RASGRP4: variants seen among roughly 807,000 people sequenced by gnomAD.
RASGRP4 encodes RAS guanyl releasing protein 4, also known as RAS guanyl-releasing protein 4.
A neutral mutation model predicts 84.4 loss-of-function variants in RASGRP4; 52 were observed. The ratio of observed to expected loss-of-function variants is 0.62; its 90% CI spans 0.49 to 0.78. RASGRP4 has a LOEUF of 0.78. Among genes scored for constraint, RASGRP4 ranks in the 30% least tolerant of loss-of-function variants. The probability of loss-of-function intolerance (pLI) is 0.00; values close to 1 mark genes in which losing one functional copy is unlikely to be tolerated. For synonymous variants in RASGRP4, 356 were observed against 359.1 expected (o/e 0.99, Z 0.10); for missense variants, 760 against 886.9 (o/e 0.86, Z 1.82).
At chr19:38,425,511 A>C (rs559323637) in intron 1 of RASGRP4, among the ~76,000 whole-genome samples, 1 of 152,086 alleles carries the variant, frequency 6.6e-6, no homozygotes, top group East Asian at 1.9e-4. Context: ...TGGCAGGAGG[A>C]GTTACCCAGG....
In RASGRP4 at chr19:38,422,064, T is replaced by A. The variant is rs749417200; in HGVS notation, c.113A>T (p.Glu38Val). The change falls in exon 2 of 17, where the codon GAA becomes GTA. Residue 38 changes from glutamate to valine, a missense_variant. Coordinates refer to ENST00000615439, the MANE Select transcript of RASGRP4 (RefSeq NM_170604.3). ...RRHKTCPSPREISKVMASMNL... is the reference protein window; with the variant it reads ...RRHKTCPSPRVISKVMASMNL... ...CATGGAAGCCATGACCTTGCTGATT[T>A]CCCGAGGGCTGGGGCATGTCTTGTG... 6.2e-7 allele frequency: 1 copy of A among 1,613,712 alleles called. No homozygotes were observed. The highest frequency in any genetic ancestry group is 8.5e-7 in the Non-Finnish European group (1 of 1,179,856).
intron 1 of RASGRP4, among the ~76,000 whole-genome samples, chr19:38,425,510 G>A (rs540705306): frequency 6.6e-6 from 1 of 152,298 alleles, no homozygotes; most frequent in Admixed American, 6.5e-5. Flanking sequence ...GTGGCAGGAG[G>A]AGTTACCCAG....
chr19:38,413,091 A>C lies in RASGRP4; in HGVS notation c.1417-42T>G. 6.3e-7 allele frequency: 1 copy of C among 1,586,076 alleles called. No homozygotes were observed. The highest frequency in any genetic ancestry group is 2.2e-5 in the East Asian group (1 of 44,758). On this transcript the variant is annotated intron_variant, in intron 11 of 16. Coordinates refer to ENST00000615439, the MANE Select transcript of RASGRP4 (RefSeq NM_170604.3). This position sits in a 1 kb window ranked among gnomAD's most constrained non-coding sequence, Gnocchi z 4.7. ...GGAAGCAGATAAGGCCCAGTTGTCG[A>C]AATATGATCCCCATGGCCATAAGTC... is the stretch of plus-strand genomic sequence containing the variant.
In RASGRP4 at chr19:38,412,617, C is replaced by T. The variant is rs1676624583; in HGVS notation, c.1680+55G>A. 3.2e-6 allele frequency: 5 copies of T among 1,555,972 alleles called. No homozygotes were observed. Among genetic ancestry groups the T allele is most frequent in the South Asian group, 2.4e-5 (2 of 84,468 alleles). ...TTGGGGGTTATCTGGGGTTTGCGGACTGCCGGCTTCAGGACAGATGGAACC... is the reference window on the plus strand; with the variant it reads ...TTGGGGGTTATCTGGGGTTTGCGGATTGCCGGCTTCAGGACAGATGGAACC... On this transcript the variant is annotated intron_variant, in intron 13 of 16. Coordinates refer to ENST00000615439, the MANE Select transcript of RASGRP4 (RefSeq NM_170604.3). This position sits in a 1 kb window ranked among gnomAD's most constrained non-coding sequence, Gnocchi z 4.6.
chr19:38,410,990 C>T lies in RASGRP4; in HGVS notation c.1861G>A (p.Glu621Lys), dbSNP rs1404397590. ...PAPHASCGSE[E>K]NHSYTLSLEP... is the part of the protein sequence containing the mutation. Reference sequence around the variant, plus strand: ...AGGGATAGCGTGTAGGAGTGATTTTCCTCGGAGCCTGTTTGTGGGTGGATG... The same window carrying T: ...AGGGATAGCGTGTAGGAGTGATTTTTCTCGGAGCCTGTTTGTGGGTGGATG... The change falls in exon 16 of 17, where the codon GAA becomes AAA. Residue 621 changes from glutamate to lysine, a missense_variant. Transcript: ENST00000615439. 6.2e-7 allele frequency: 1 copy of T among 1,602,662 alleles called. No homozygotes were observed. The highest frequency in any genetic ancestry group is 2.2e-5 in the East Asian group (1 of 44,522).
At position 38,418,449 on chromosome 19, in the gene RASGRP4, C is replaced by T. The variant is rs988989823; in HGVS notation, c.779G>A (p.Ser260Asn). The change falls in exon 7 of 17, where the codon AGC becomes AAC. Residue 260 changes from serine (S) to asparagine (N), a missense_variant. Transcript: ENST00000615439. This position sits in a 1 kb window ranked among gnomAD's most constrained non-coding sequence, Gnocchi z 4.6. ...TGCACGCTGTAGGGGCCCGGGACGG[C>T]TCAGCACCATCACCTGCACCCAGCG... ...VSRWVQVMVL[S>N]RPGPLQRAQV... The T allele has an allele frequency of 1.2e-6, 2 of 1,601,798 alleles. No homozygotes were observed. The highest frequency in any genetic ancestry group is 1.7e-6 in the Non-Finnish European group (2 of 1,174,696).
chr19:38,426,094 T>A lies in RASGRP4; in HGVS notation c.-3A>T. 1 of 1,337,470 alleles carries A rather than the reference T, an allele frequency of 7.5e-7. No homozygotes were observed. Among genetic ancestry groups the A allele is most frequent in the Non-Finnish European group, 9.7e-7 (1 of 1,034,924 alleles). The allele number at this position is 1,337,470 out of a possible 1,614,324, so 82.9% of individuals were successfully genotyped here. A position where few individuals can be genotyped will look rare whatever the true frequency, so the allele number is the denominator to read the frequency against. On this transcript the variant is annotated 5_prime_UTR_variant, in exon 1 of 17. It adds an upstream start codon to the 5' untranslated region. Coordinates refer to ENST00000615439, the MANE Select transcript of RASGRP4 (RefSeq NM_170604.3). ...CTCTTACTGTCTTTTCTGTTCATGC[T>A]TCCCGCGTGGGGTGAGGAGGCCGGG...
chr19:38,412,887 C>T lies in RASGRP4; in HGVS notation c.1535+44G>A, dbSNP rs200618230. ...CCAGACCCAGGAGTCCAGGCAACCC[C>T]AGTGTCCTCATCTTCGGAGGATCCA... On this transcript the variant is annotated intron_variant, in intron 12 of 16. Transcript: ENST00000615439. The surrounding 1 kb of genome is among the most constrained non-coding windows in gnomAD (Gnocchi z 4.6). 1.1e-4 allele frequency: 179 copies of T among 1,613,546 alleles called. No homozygotes were observed. The African/African-American group carries it at 2.2e-3, about 20-fold the overall frequency.
chr19:38,414,786 C>T, intron 9 of RASGRP4, 62 bp downstream of exon 9: 2 of 1,482,696 alleles, frequency 1.3e-6, no homozygotes, highest in Non-Finnish European at 1.8e-6. Context: ...CACTCACACA[C>T]CCAGGACCCT....
At chr19:38,423,011 A>G (rs1568416309) in intron 1 of RASGRP4, among the ~76,000 whole-genome samples, 2 of 151,374 alleles carry the variant, frequency 1.3e-5, no homozygotes, top group African/African-American at 4.9e-5. Context: ...ATTGCCCCCA[A>G]CTTCCTCTTG....
In RASGRP4 at chr19:38,418,381, CG is replaced by C; in HGVS notation, c.837+9del. 1.2e-6 allele frequency: 2 copies of C among 1,600,158 alleles called. No homozygotes were observed. Among genetic ancestry groups the C allele is most frequent in the African/African-American group, 1.3e-5 (1 of 74,778 alleles). ...CAGTGGAGTTCGCAGCCCCAAGGGGCGGGCCTCACCTGTGCCACGTGAATGA... is the reference window on the plus strand; with the variant it reads ...CAGTGGAGTTCGCAGCCCCAAGGGGCGGCCTCACCTGTGCCACGTGAATGA... On this transcript the variant is annotated intron_variant, in intron 7 of 16. Transcript: ENST00000615439. This position sits in a 1 kb window ranked among gnomAD's most constrained non-coding sequence, Gnocchi z 4.6.
chr19:38,411,185 T>A lies in RASGRP4; in HGVS notation c.1782A>T (p.Pro594=). 2 of 1,613,986 alleles carry A rather than the reference T, an allele frequency of 1.2e-6. No individual in the cohort carries two copies. The highest frequency in any genetic ancestry group is 2.2e-5 in the South Asian group (2 of 91,086). The change falls in exon 15 of 17, where the codon CCA becomes CCT. Residue 594 remains proline (P), a synonymous_variant. Transcript: ENST00000615439. Reference sequence around the variant, plus strand: ...GGGGTCCTGCATCGCCCTTGGCCCCTGGCCTCTTCTTACATTCTACCTTCA... The same window carrying A: ...GGGGTCCTGCATCGCCCTTGGCCCCAGGCCTCTTCTTACATTCTACCTTCA... ...DQVKVECKKR[P]GAKGDAGPPG...
rs1210309739 is a variant in RASGRP4 at position 38,413,008 on chromosome 19, G to C, written c.1458C>G (p.Ile486Met). 2 of 1,614,060 alleles carry C rather than the reference G, an allele frequency of 1.2e-6. No individual in the cohort carries two copies. The highest frequency in any genetic ancestry group is 1.1e-5 in the South Asian group (1 of 91,086). ...KNYDPEGRGT[I>M]SQEDFERLSG... is the part of the protein sequence containing the mutation. ...AGAGTCGCTCAAAGTCCTCCTGAGAGATTGTTCCTCGGCCTTCAGGGTCAT... is the reference window on the plus strand; with the variant it reads ...AGAGTCGCTCAAAGTCCTCCTGAGACATTGTTCCTCGGCCTTCAGGGTCAT... Residue 486 changes from isoleucine (I) to methionine (M), a missense_variant, in exon 12 of 17, where the codon ATC (isoleucine) becomes ATG (methionine). By Grantham distance (10) the Ile-to-Met change is conservative. Coordinates refer to ENST00000615439, the MANE Select transcript of RASGRP4 (RefSeq NM_170604.3). This position sits in a 1 kb window ranked among gnomAD's most constrained non-coding sequence, Gnocchi z 4.7.
At position 38,420,119 on chromosome 19, in the gene RASGRP4, G is replaced by A. The variant is rs1568413737; in HGVS notation, c.509+12C>T. On this transcript the variant is annotated intron_variant, in intron 5 of 16. Coordinates refer to ENST00000615439, the MANE Select transcript of RASGRP4 (RefSeq NM_170604.3). ...ATGGGGCAGGGAAGAGGGGAGCACA[G>A]GGCTGACTCACAGGTCAGAAGAGTC... is the stretch of plus-strand genomic sequence containing the variant. The A allele has an allele frequency of 1.9e-6, 3 of 1,611,738 alleles. No homozygotes were observed. Among genetic ancestry groups the A allele is most frequent in the African/African-American group, 1.3e-5 (1 of 75,034 alleles).
In RASGRP4 at chr19:38,414,710, A is replaced by T. The variant is rs981739308; in HGVS notation, c.1230+138T>A. ...CTTGCCCAAGATCACGCAGCTAGAA[A>T]AAAACCTAGAAGTTCTGGCTTCAAA... On this transcript the variant is annotated intron_variant, in intron 9 of 16. Transcript: ENST00000615439. 79 of 887,846 alleles carry T rather than the reference A, an allele frequency of 8.9e-5. No homozygotes were observed. In the African/African-American group the frequency reaches 1.2e-3, roughly 13 times the overall value. 55.0% of individuals were successfully genotyped at this position (887,846 alleles called of 1,614,324 possible).
chr19:38,426,055 G>A lies in RASGRP4; in HGVS notation c.23+14C>T. ...TCAGGGTGCTGCCGGGCTCCCTGGG[G>A]AGGGTCCTCTCACCTCTTACTGTCT... On this transcript the variant is annotated intron_variant, in intron 1 of 16. Coordinates refer to ENST00000615439, the MANE Select transcript of RASGRP4 (RefSeq NM_170604.3). 1 of 1,368,924 alleles carries A rather than the reference G, an allele frequency of 7.3e-7. No homozygotes were observed. The highest frequency in any genetic ancestry group is 9.5e-7 in the Non-Finnish European group (1 of 1,051,664). The allele number at this position is 1,368,924 out of a possible 1,614,324, so 84.8% of individuals were successfully genotyped here.
Position 38,421,150 on chromosome 19 carries a change from C to G in RASGRP4, c.259G>C (p.Ala87Pro), listed in dbSNP as rs1189969069. Residue 87 changes from alanine (A) to proline (P), a missense_variant, in exon 3 of 17, where the codon GCC becomes CCC. By Grantham distance (27) the Ala-to-Pro change is conservative. Coordinates refer to ENST00000615439, the MANE Select transcript of RASGRP4 (RefSeq NM_170604.3). ...HEDHMLNMVLAMHSWVLPSAD... is the reference protein window; with the variant it reads ...HEDHMLNMVLPMHSWVLPSAD... ...GACGGCAGCACCCAGCTGTGCATGG[C>G]CAGCACCATGTTGAGCATGTGGTCC... 6.2e-7 allele frequency: 1 copy of G among 1,613,868 alleles called. No homozygotes were observed. The highest frequency in any genetic ancestry group is 1.7e-5 in the Admixed American group (1 of 60,024).
chr19:38,420,376 GT>G (rs1302541152), intron 4 of RASGRP4, 114 bp from the exon 5 acceptor site: 16 of 1,197,666 alleles, frequency 1.3e-5, no homozygotes, highest in Non-Finnish European at 1.7e-5. Context: ...CTAAATGTGT[GT>G]GGGGGTCCCT....
At chr19:38,419,285 G>T (rs1409710179) in intron 6 of RASGRP4, among the ~76,000 whole-genome samples, 1 of 152,208 alleles carries the variant, frequency 6.6e-6, no homozygotes, top group African/African-American at 2.4e-5. Flanking sequence ...GTTCCTGCAA[G>T]GCAGGAACTG....
Sources: gnomAD v4.1 joint callset for allele counts (sites outside exome capture counted in the v4.1 genomes callset) on GRCh38, gnomAD v4.1.1 for gene constraint, Gnocchi (gnomAD v3.1) non-coding constraint, MANE v1.5 for transcripts, NCBI Gene and HGNC (gene_info 2026-07-23, HGNC 2026-07-21) for gene names.